ZNF236: variants seen among roughly 807,000 people sequenced by gnomAD.
ZNF236 encodes the protein regulated by glucose.
In ZNF236, 50 loss-of-function variants were observed where a neutral mutation model predicts 191.2. The ratio of observed to expected loss-of-function variants is 0.26; its 90% CI spans 0.21 to 0.33. The LOEUF (loss-of-function observed/expected upper bound fraction) is 0.33, where lower values mean the gene tolerates loss of function less well. Ranked by LOEUF, ZNF236 falls within the 10% of genes least tolerant of loss-of-function variation. The probability of loss-of-function intolerance (pLI) is 1.00; values close to 1 mark genes in which losing one functional copy is unlikely to be tolerated. For synonymous variants in ZNF236, 907 were observed against 928.8 expected (o/e 0.98, Z 0.43); for missense variants, 1,754 against 2,374.5 (o/e 0.74, Z 5.43).
At chr18:76,922,222 C>A (rs1253809822) in intron 20 of ZNF236, among the ~76,000 whole-genome samples, 1 of 152,152 alleles carries the variant, frequency 6.6e-6, no homozygotes, top group African/African-American at 2.4e-5. Flanking sequence ...ACTGGCAGGG[C>A]GCTGTGGTGA....
chr18:76,971,510 C>T lies in ZNF236; in HGVS notation c.*3171C>T, dbSNP rs1301488332. Among the ~76,000 whole-genome samples the T allele has an allele frequency of 6.6e-6, 1 of 152,188 alleles. No individual in the cohort carries two copies. On this transcript the variant is annotated 3_prime_UTR_variant, in exon 31 of 31. Transcript: ENST00000320610. ...GTTTCCTTCGTGCATATTTTCTACT[C>T]CCCTGTTGTAATATTTTAAGGAAAC...
At position 76,899,128 on chromosome 18, in the gene ZNF236, G is replaced by A; in HGVS notation, c.1800G>A (p.Arg600=). 1 of 1,614,146 alleles carries A rather than the reference G, an allele frequency of 6.2e-7. No homozygotes were observed. The highest frequency in any genetic ancestry group is 8.5e-7 in the Non-Finnish European group (1 of 1,180,010). The change falls in exon 11 of 31, where the codon AGG becomes AGA. Residue 600 remains arginine, a synonymous_variant. Coordinates refer to ENST00000320610, the MANE Select transcript of ZNF236 (RefSeq NM_001306089.2). The stretch of plus-strand genomic sequence containing the variant: ...AACATACGGAATTAAGGAAAATGAG[G>A]CACCAGCGTAAACCTGCAAAGGTCC... ...HFKHTELRKM[R]HQRKPAKVRV...
Position 76,895,074 on chromosome 18 carries a change from C to T in ZNF236, c.1479C>T (p.Phe493=). The change falls in exon 10 of 31, where the codon TTC becomes TTT. Residue 493 remains phenylalanine (F), a synonymous_variant. Coordinates refer to ENST00000320610, the MANE Select transcript of ZNF236 (RefSeq NM_001306089.2). ...TGTGTCCCTACTGCGCCAAGGAGTTCCGCAAGCCCAGCGACCTGGTCCGCC... is the reference window on the plus strand; with the variant it reads ...TGTGTCCCTACTGCGCCAAGGAGTTTCGCAAGCCCAGCGACCTGGTCCGCC... The part of the protein sequence containing the change: ...WHVCPYCAKE[F]RKPSDLVRHI... 6.2e-7 allele frequency: 1 copy of T among 1,611,908 alleles called. No homozygotes were observed. Among genetic ancestry groups the T allele is most frequent in the Non-Finnish European group, 8.5e-7 (1 of 1,180,010 alleles).
chr18:76,870,409 G>T (rs1004430985), intron 4 of ZNF236, among the ~76,000 whole-genome samples: 1 of 152,138 alleles, frequency 6.6e-6, no homozygotes, highest in Admixed American at 6.5e-5. Context: ...TGTTTCCTTG[G>T]AGGTTTGAAA....
At chr18:76,898,094 T>C (rs997308460) in intron 10 of ZNF236, 1 of 152,186 alleles carries the variant, frequency 6.6e-6, no homozygotes. Context: ...GAATACAACA[T>C]GTAATCTGCA....
rs752049024 is a variant in ZNF236 at position 76,927,928 on chromosome 18, G to T, written c.4416G>T (p.Gly1472=). The T allele has an allele frequency of 1.3e-6, 2 of 1,568,602 alleles. No individual in the cohort carries two copies. The highest frequency in any genetic ancestry group is 4.6e-5 in the East Asian group (2 of 43,198). ...GTTTTGCTTTGTAATGACAATCAGG[G>T]ACCCAAGACCTCACTCAAGTGATGA... ...QDSVLTTNSS[G]TQDLTQVMTS... Residue 1472 remains glycine (G), a splice_region_variant and synonymous_variant, in exon 25 of 31, where the codon GGG becomes GGT. Coordinates refer to ENST00000320610, the MANE Select transcript of ZNF236 (RefSeq NM_001306089.2). This position sits in a 1 kb window ranked among gnomAD's most constrained non-coding sequence, Gnocchi z 5.4.
intron 11 of ZNF236, among the ~76,000 whole-genome samples, chr18:76,902,181 A>G (rs1310777027): frequency 1.3e-5 from 2 of 152,180 alleles, no homozygotes; most frequent in Admixed American, 1.3e-4. Context: ...GGAGCTTCAC[A>G]CTGTAAATTG....
chr18:76,929,553 G>A (rs1415796744), intron 25 of ZNF236, among the ~76,000 whole-genome samples: 1 of 152,168 alleles, frequency 6.6e-6, no homozygotes, highest in Non-Finnish European at 1.5e-5. Flanking sequence ...TGTTCTTCCT[G>A]TGTGTTATTA....
At chr18:76,868,895 T>C (rs1183384665) in intron 4 of ZNF236, 32 bp downstream of exon 4, 1 of 1,554,768 alleles carries the variant, frequency 6.4e-7, no homozygotes, top group East Asian at 2.3e-5. Flanking sequence ...TGGTCAAAAA[T>C]CCATCTAATA....
chr18:76,882,174 C>T (rs1308742021), intron 9 of ZNF236, among the ~76,000 whole-genome samples: 1 of 152,216 alleles, frequency 6.6e-6, no homozygotes, highest in Non-Finnish European at 1.5e-5. Context: ...TGCAGGCTTT[C>T]TGCAGCAAGG....
At chr18:76,873,288 C>T (rs549527916) in intron 5 of ZNF236, among the ~76,000 whole-genome samples, 106 of 152,312 alleles carry the variant, frequency 7.0e-4, no homozygotes, top group South Asian at 1.5e-3. Context: ...GTTTTTTACG[C>T]GTACATAAAT....
rs139579321 is a variant in ZNF236 at position 76,880,588 on chromosome 18, C to T, written c.1188+272C>T. ...TTTACTTGAAAAGAACAGGCTTTTC[C>T]GAAGTTGTATCTATTTATGTTGACA... On this transcript the variant is annotated intron_variant, in intron 8 of 30. Transcript: ENST00000320610. The surrounding 1 kb of genome is among the most constrained non-coding windows in gnomAD (Gnocchi z 5.0). Among the ~76,000 whole-genome samples, 415 of 151,074 alleles carry T rather than the reference C, an allele frequency of 2.7e-3. 3 individuals are homozygous for T. Among genetic ancestry groups the T allele is most frequent in the South Asian group, 9.7e-3 (46 of 4,758 alleles).
chr18:76,866,554 G>GC (rs1451819838), intron 3 of ZNF236, among the ~76,000 whole-genome samples: 9 of 152,208 alleles, frequency 5.9e-5, no homozygotes, highest in Admixed American at 2.6e-4. Context: ...ACCTAGCATT[G>GC]CACGCTCTGG....
chr18:76,910,707 G>A lies in ZNF236; in HGVS notation c.2701G>A (p.Val901Ile). 6.2e-7 allele frequency: 1 copy of A among 1,614,126 alleles called. No individual in the cohort carries two copies. The highest frequency in any genetic ancestry group is 8.5e-7 in the Non-Finnish European group (1 of 1,180,012). Reference protein sequence around the residue: ...TYHQQPQFPPVQQLQDSSTLE... With the variant: ...TYHQQPQFPPIQQLQDSSTLE... ...CCATCAGCAGCCTCAGTTTCCACCT[G>A]TCCAACAGCTACAGGATTCCAGCAC... Residue 901 changes from valine to isoleucine, a missense_variant, in exon 16 of 31, where the codon GTC becomes ATC. Physicochemically the swap from Val to Ile is conservative, Grantham distance 29. Coordinates refer to ENST00000320610, the MANE Select transcript of ZNF236 (RefSeq NM_001306089.2).
chr18:76,876,893 A>T (rs557046367), intron 6 of ZNF236, among the ~76,000 whole-genome samples: 13 of 152,284 alleles, frequency 8.5e-5, no homozygotes, highest in Non-Finnish European at 1.6e-4. Flanking sequence ...CCAGAGACTC[A>T]CCTGTTGCCA....
intron 1 of ZNF236, among the ~76,000 whole-genome samples, chr18:76,829,895 G>A (rs1975119620): frequency 6.6e-6 from 1 of 152,086 alleles, no homozygotes; most frequent in Non-Finnish European, 1.5e-5. Flanking sequence ...TTTTTGAGAC[G>A]GAGTCTCGCC....
intron 9 of ZNF236, chr18:76,885,921 A>G (rs1250683512): frequency 6.6e-6 from 1 of 152,380 alleles, no homozygotes; most frequent in Non-Finnish European, 1.5e-5. Flanking sequence ...CAGCCACGCC[A>G]TTCCCCAGTC....
chr18:76,943,564 A>C (rs894247213), intron 26 of ZNF236, among the ~76,000 whole-genome samples: 2 of 152,258 alleles, frequency 1.3e-5, no homozygotes, highest in African/African-American at 4.8e-5. Context: ...TTATTATTAC[A>C]GATAATTGGT....
chr18:76,888,206 C>CA (rs1268679322), intron 9 of ZNF236, among the ~76,000 whole-genome samples: 1 of 152,018 alleles, frequency 6.6e-6, no homozygotes, highest in Non-Finnish European at 1.5e-5. Context: ...CCCATCTCTG[C>CA]AAAAAAATTA....
Sources: gnomAD v4.1 joint callset for allele counts (sites outside exome capture counted in the v4.1 genomes callset) on GRCh38, gnomAD v4.1.1 for gene constraint, Gnocchi (gnomAD v3.1) non-coding constraint, MANE v1.5 for transcripts, NCBI Gene and HGNC (gene_info 2026-07-23, HGNC 2026-07-21) for gene names.